Variants in MECOM observed in about 807,000 individuals in gnomAD.
MECOM encodes the protein histone-lysine N-methyltransferase MECOM.
Under a neutral mutation model 116.3 loss-of-function variants are expected in MECOM, and 13 were observed. The ratio of observed to expected loss-of-function variants is 0.11; its 90% confidence interval spans 0.07 to 0.18. MECOM has a LOEUF of 0.18. Among genes scored for constraint, MECOM ranks in the 10% least tolerant of loss-of-function variants. MECOM has a pLI of 1.00. For missense variants in MECOM, 1,299 were observed against 1,509.0 expected, an observed-to-expected ratio of 0.86 and a Z score of 2.31; for synonymous variants, 528 against 535.2, an observed-to-expected ratio of 0.99 and a Z score of 0.19.
At chr3:169,213,028 T>G (rs1383068105) in intron 2 of MECOM, among the ~76,000 whole-genome samples, 1 of 151,984 alleles carries the variant, frequency 6.6e-6, no homozygotes. Context: ...AAATGTCACT[T>G]GATTACTGTC....
intron 1 of MECOM, among the ~76,000 whole-genome samples, chr3:169,436,122 C>T (rs1021088923): frequency 9.2e-5 from 14 of 152,014 alleles, no homozygotes; most frequent in Non-Finnish European, 1.9e-4. Flanking sequence ...AGATCCATAT[C>T]CCCTTATTTG....
rs576010924 is a variant in MECOM at position 169,257,805 on chromosome 3, G to T, written c.376-113973C>A. ...GTGGAGGAGCTGCCGTAATGGTGTG[G>T]ATAAATGCTTCCACTTCGTTTAGAG... is the stretch of plus-strand genomic sequence containing the variant. On this transcript the variant is annotated intron_variant, in intron 2 of 16. Transcript: ENST00000651503. Among the ~76,000 whole-genome samples, 25 of 152,254 alleles carry T rather than the reference G, an allele frequency of 1.6e-4. 1 individual carries two copies. The highest frequency in any genetic ancestry group is 5.8e-4 in the African/African-American group (24 of 41,546).
intron 1 of MECOM, among the ~76,000 whole-genome samples, chr3:169,401,110 T>TG (rs1735821841): frequency 6.6e-6 from 1 of 152,184 alleles, no homozygotes; most frequent in African/African-American, 2.4e-5. Context: ...TAATAACCTA[T>TG]GGGGTCTGCT....
chr3:169,526,190 A>G (rs370247190), intron 1 of MECOM, among the ~76,000 whole-genome samples: 2 of 152,248 alleles, frequency 1.3e-5, no homozygotes, highest in South Asian at 2.1e-4. Flanking sequence ...TTCAATGTTG[A>G]ATTGAAAAAC....
rs371916038 is a variant in MECOM, at chr3:169,112,927, C to T, written c.2490-53G>A. 2.7e-5 allele frequency: 34 copies of T among 1,247,430 alleles called. 1 individual carries two copies. The African/African-American group carries it at 4.2e-4, about 15-fold the overall frequency. 77.3% of individuals were successfully genotyped at this position (1,247,430 alleles called of 1,614,324 possible). A position where few individuals can be genotyped will look rare whatever the true frequency, so the allele number is the denominator to read the frequency against. ...ATGAAGCAGTCTCACATATCAATCA[C>T]TACATAATCACTGACATTTAAAGGA... On this transcript the variant is annotated intron_variant, in intron 8 of 16. Transcript: ENST00000651503.
At chr3:169,228,358 G>C (rs1052558597) in intron 2 of MECOM, among the ~76,000 whole-genome samples, 1 of 152,136 alleles carries the variant, frequency 6.6e-6, no homozygotes, top group Non-Finnish European at 1.5e-5. Context: ...ATCATTTAAA[G>C]TCACTCATGA....
chr3:169,622,786 C>G (rs1472174324), intron 1 of MECOM, among the ~76,000 whole-genome samples: 1 of 152,160 alleles, frequency 6.6e-6, no homozygotes, highest in African/African-American at 2.4e-5. Context: ...CTTGAGAACT[C>G]TCAGATAGTA....
chr3:169,582,974 A>G (rs1256936089), intron 1 of MECOM, among the ~76,000 whole-genome samples: 2 of 152,250 alleles, frequency 1.3e-5, no homozygotes, highest in Non-Finnish European at 2.9e-5. Context: ...AATACAAATG[A>G]TTTACAGATA....
At chr3:169,330,842 T>G (rs895574382) in intron 2 of MECOM, among the ~76,000 whole-genome samples, 12 of 152,120 alleles carry the variant, frequency 7.9e-5, no homozygotes, top group Admixed American at 2.0e-4. Context: ...ATAATAAAGC[T>G]TTCATTTTAT....
intron 2 of MECOM, among the ~76,000 whole-genome samples, chr3:169,232,802 C>A (rs899392839): frequency 5.3e-5 from 8 of 151,964 alleles, no homozygotes; most frequent in African/African-American, 1.9e-4. Flanking sequence ...TTGATTCAGG[C>A]CCCAAACACT....
intron 2 of MECOM, among the ~76,000 whole-genome samples, chr3:169,303,500 G>A (rs557250233): frequency 3.5e-4 from 54 of 152,258 alleles, no homozygotes; most frequent in South Asian, 2.1e-3. Context: ...GACCTTAAGC[G>A]GTAGTGTAAA....
chr3:169,604,588 C>T (rs1384333154), intron 1 of MECOM, among the ~76,000 whole-genome samples: 2 of 152,184 alleles, frequency 1.3e-5, no homozygotes, highest in Non-Finnish European at 2.9e-5. Flanking sequence ...CAGCTGAAGA[C>T]ACAGGGAGCC....
At chr3:169,339,339 C>T (rs761544362) in intron 2 of MECOM, among the ~76,000 whole-genome samples, 39 of 152,282 alleles carry the variant, frequency 2.6e-4, no homozygotes, top group South Asian at 8.3e-4. Context: ...ATCAGAAACT[C>T]GGGGATGGGG....
intron 1 of MECOM, among the ~76,000 whole-genome samples, chr3:169,383,044 T>G (rs1420592308): frequency 6.6e-6 from 1 of 151,958 alleles, no homozygotes; most frequent in Non-Finnish European, 1.5e-5. Context: ...TCAATTAAAG[T>G]CTTCTAAGAG....
intron 2 of MECOM, among the ~76,000 whole-genome samples, chr3:169,185,940 A>C (rs1166252501): frequency 6.6e-6 from 1 of 152,128 alleles, no homozygotes; most frequent in Non-Finnish European, 1.5e-5. Context: ...ATGACTATAC[A>C]TCATTTTCTG....
At position 169,381,595 on chromosome 3, in the gene MECOM, C is replaced by T. The variant is rs556064896; in HGVS notation, c.38-71G>A. 8.7e-6 allele frequency: 10 copies of T among 1,154,442 alleles called. No homozygotes were observed. The South Asian group carries it at 1.1e-4, about 13-fold the overall frequency. 71.5% of individuals were successfully genotyped at this position (1,154,442 alleles called of 1,614,324 possible). A position where few individuals can be genotyped will look rare whatever the true frequency, so the allele number is the denominator to read the frequency against. On this transcript the variant is annotated intron_variant, in intron 1 of 16. Coordinates refer to ENST00000651503, the MANE Select transcript of MECOM (RefSeq NM_004991.4). ...GACAAAATTCCACAGGGGTAGCCAC[C>T]TTATTATGTTGTTCTTTGAAGGATA...
At chr3:169,568,479 TC>T (rs1763508808) in intron 1 of MECOM, among the ~76,000 whole-genome samples, 1 of 152,148 alleles carries the variant, frequency 6.6e-6, no homozygotes, top group South Asian at 2.1e-4. Context: ...CTTGAAATTC[TC>T]ACTGCCAGCA....
intron 1 of MECOM, among the ~76,000 whole-genome samples, chr3:169,480,112 G>T (rs1751064433): frequency 6.6e-6 from 1 of 152,094 alleles, no homozygotes; most frequent in South Asian, 2.1e-4. Context: ...GTATGATGAT[G>T]GTTTTCTGTA....
chr3:169,086,618 A>G, intron 16 of MECOM: 1 of 700,130 alleles, frequency 1.4e-6, no homozygotes, highest in Non-Finnish European at 2.6e-6. Flanking sequence ...GTTGTGGAGG[A>G]ATCACATGCA....
Sources: gnomAD v4.1 joint callset for allele counts (sites outside exome capture counted in the v4.1 genomes callset) on GRCh38, gnomAD v4.1.1 for gene constraint, MANE v1.5 for transcripts, NCBI Gene and HGNC (gene_info 2026-07-23, HGNC 2026-07-21) for gene names.